ZSCAN30: variants seen among roughly 807,000 people sequenced by gnomAD.
ZSCAN30 encodes zinc finger and SCAN domain-containing protein 30.
A neutral mutation model predicts 44.3 loss-of-function variants in ZSCAN30; 37 were observed. That is an observed-to-expected ratio of 0.84 (90% CI 0.64 to 1.10). ZSCAN30 has a LOEUF of 1.10. ZSCAN30 is among the 50% of genes least tolerant of loss of function. The pLI is 0.00. For synonymous variants in ZSCAN30, 181 were observed against 204.6 expected (o/e 0.88, Z 0.98); for missense variants, 549 against 582.6 (o/e 0.94, Z 0.59).
intron 3 of ZSCAN30, chr18:35,261,968 G>A (rs1174308405): frequency 6.6e-6 from 1 of 152,190 alleles, no homozygotes; most frequent in Admixed American, 6.5e-5. Flanking sequence ...CCTGGGGAAG[G>A]TTGGGAAGCA....
chr18:35,281,243 A>C (rs2044450600), intron 1 of ZSCAN30: 1 of 152,202 alleles, frequency 6.6e-6, no homozygotes, highest in Non-Finnish European at 1.5e-5. Flanking sequence ...CTGTATTATC[A>C]CTGCTAATCT....
intron 1 of ZSCAN30, among the ~76,000 whole-genome samples, chr18:35,271,203 T>C (rs2044267294): frequency 6.6e-6 from 1 of 152,330 alleles, no homozygotes; most frequent in South Asian, 2.1e-4. Context: ...AGCCGGCTTT[T>C]ATTCCCTTAT....
intron 3 of ZSCAN30, chr18:35,260,021 AC>A: frequency 6.6e-6 from 1 of 151,538 alleles, no homozygotes; most frequent in South Asian, 2.1e-4. Context: ...TTTCTCTCCC[AC>A]CCCCACAGGC....
intron 1 of ZSCAN30, among the ~76,000 whole-genome samples, chr18:35,274,904 G>A (rs969159436): frequency 1.3e-5 from 2 of 152,176 alleles, no homozygotes; most frequent in African/African-American, 4.8e-5. Context: ...AGTATCTTTT[G>A]AAGAATAATA....
intron 1 of ZSCAN30, among the ~76,000 whole-genome samples, chr18:35,274,252 T>C (rs972582936): frequency 7.2e-5 from 11 of 152,052 alleles, no homozygotes; most frequent in Admixed American, 6.5e-4. Context: ...TTAGCCAGGA[T>C]GGTCTCGATC....
chr18:35,272,542 T>C (rs1379527441), intron 1 of ZSCAN30, among the ~76,000 whole-genome samples: 1 of 147,620 alleles, frequency 6.8e-6, no homozygotes, highest in African/African-American at 2.5e-5. Context: ...GGTTTCACCA[T>C]ATTGGTTGGC....
At chr18:35,276,981 G>A (rs2143757185) in intron 1 of ZSCAN30, among the ~76,000 whole-genome samples, 1 of 152,358 alleles carries the variant, frequency 6.6e-6, no homozygotes, top group East Asian at 1.9e-4. Context: ...AGCTGCCCAA[G>A]GCTATGCAAG....
rs1043928441 is a variant in ZSCAN30, at chr18:35,253,579, C to A, written c.1356G>T (p.Gln452His). The A allele has an allele frequency of 1.9e-6, 3 of 1,613,640 alleles. No individual in the cohort carries two copies. Among genetic ancestry groups the A allele is most frequent in the African/African-American group, 1.3e-5 (1 of 74,796 alleles). ...TCTGGTGCTGGGTGAGGGCTGAGCT[C>A]TGATTGAAGGATTTTCCACATTCAT... Reference protein sequence around the residue: ...ECNECGKSFNQSSALTQHQRI... With the variant: ...ECNECGKSFNHSSALTQHQRI... Residue 452 changes from glutamine (Q) to histidine (H), a missense_variant, in exon 4 of 4, where the codon CAG becomes CAT. Physicochemically the swap from Gln to His is conservative, Grantham distance 24 (BLOSUM62 0). Transcript: ENST00000333206.
At chr18:35,276,506 C>T (rs571620287) in intron 1 of ZSCAN30, among the ~76,000 whole-genome samples, 1 of 152,130 alleles carries the variant, frequency 6.6e-6, no homozygotes, top group African/African-American at 2.4e-5. Context: ...GGACTTGTTG[C>T]CCTGCATCCT....
rs1188308002 is a variant in ZSCAN30 at position 35,252,099 on chromosome 18, A to T, written c.*1351T>A. The T allele has an allele frequency of 6.6e-6, 1 of 152,178 alleles. No individual in the cohort carries two copies. The highest frequency in any genetic ancestry group is 1.5e-5 in the Non-Finnish European group (1 of 68,044). 9.4% of individuals were successfully genotyped at this position (152,178 alleles called of 1,614,324 possible). ...CATCAGGACTCTTCTCTCCAGCAGG[A>T]ATTAGTTGTCATAAAGCCTGGCTCA... On this transcript the variant is annotated 3_prime_UTR_variant, in exon 4 of 4. Coordinates refer to ENST00000333206, the MANE Select transcript of ZSCAN30 (RefSeq NM_001112734.4).
At position 35,254,104 on chromosome 18, in the gene ZSCAN30, C is replaced by A. The variant is rs372085265; in HGVS notation, c.831G>T (p.Glu277Asp). Residue 277 changes from glutamate (E) to aspartate (D), a missense_variant, in exon 4 of 4, where the codon GAG (glutamate) becomes GAT (aspartate). Transcript: ENST00000333206. Reference sequence around the variant, plus strand: ...AATTCATACTGAAACTTCCTTCACTCTCATGAGATTCAAGGACACTGTGTT... The same window carrying A: ...AATTCATACTGAAACTTCCTTCACTATCATGAGATTCAAGGACACTGTGTT... The part of the protein sequence containing the change: ...PTEHSVLESH[E>D]SEGSFSMNSN... 1 of 1,614,056 alleles carries A rather than the reference C, an allele frequency of 6.2e-7. No individual in the cohort carries two copies. The highest frequency in any genetic ancestry group is 1.7e-5 in the Admixed American group (1 of 59,998).
chr18:35,251,350 A>T lies in ZSCAN30; in HGVS notation c.*2100T>A, dbSNP rs549377718. The stretch of plus-strand genomic sequence containing the variant: ...CCTATTATATGATACTTAAAACATT[A>T]AATCTCTGATTGTCACCTATAGGAA... On this transcript the variant is annotated 3_prime_UTR_variant, in exon 4 of 4. Transcript: ENST00000333206. 17 of 152,226 alleles carry T rather than the reference A, an allele frequency of 1.1e-4. No individual in the cohort carries two copies. Among genetic ancestry groups the T allele is most frequent in the Non-Finnish European group, 2.4e-4 (16 of 68,040 alleles). 9.4% of individuals were successfully genotyped at this position (152,226 alleles called of 1,614,324 possible). A position where few individuals can be genotyped will look rare whatever the true frequency, so the allele number is the denominator to read the frequency against.
At chr18:35,265,795 G>GA (rs1449253091) in intron 1 of ZSCAN30, among the ~76,000 whole-genome samples, 1 of 152,162 alleles carries the variant, frequency 6.6e-6, no homozygotes, top group East Asian at 1.9e-4. Flanking sequence ...TTTATTATGG[G>GA]AAAGCAACAC....
At chr18:35,255,464 A>T (rs1218479305) in intron 3 of ZSCAN30, among the ~76,000 whole-genome samples, 1 of 152,080 alleles carries the variant, frequency 6.6e-6, no homozygotes, top group African/African-American at 2.4e-5. Flanking sequence ...CCATAGAAGT[A>T]ATAATTGCTA....
chr18:35,276,306 T>C (rs1167048035), intron 1 of ZSCAN30, among the ~76,000 whole-genome samples: 2 of 152,106 alleles, frequency 1.3e-5, no homozygotes, highest in Non-Finnish European at 2.9e-5. Flanking sequence ...TTTTTTTTTT[T>C]TAAATTACTA....
chr18:35,264,517 G>C, intron 1 of ZSCAN30, 62 bp from the exon 2 acceptor site: 1 of 746,426 alleles, frequency 1.3e-6, no homozygotes, highest in Middle Eastern at 3.9e-4. Context: ...ATAAATACAG[G>C]TTTTTGAAGC....
chr18:35,284,483 T>C (rs1179737697), intron 1 of ZSCAN30: 1 of 154,952 alleles, frequency 6.5e-6, no homozygotes, highest in African/African-American at 2.4e-5. Context: ...CCTTCTATGT[T>C]TGTCAGCACC....
chr18:35,264,066 A>T lies in ZSCAN30; in HGVS notation c.287T>A (p.Phe96Tyr), dbSNP rs1490473548. Reference protein sequence around the residue: ...QILELLMLEQFLAILPEELQA... With the variant: ...QILELLMLEQYLAILPEELQA... The stretch of plus-strand genomic sequence containing the variant: ...CAGCTCCTCAGGAAGGATGGCCAGG[A>T]ACTGCTCCAACATCAGCAGCTCCAG... The change falls in exon 2 of 4, where the codon TTC becomes TAC. Residue 96 changes from phenylalanine to tyrosine, a missense_variant. Coordinates refer to ENST00000333206, the MANE Select transcript of ZSCAN30 (RefSeq NM_001112734.4). The T allele has an allele frequency of 1.2e-6, 2 of 1,613,916 alleles. No individual in the cohort carries two copies. The highest frequency in any genetic ancestry group is 1.7e-6 in the Non-Finnish European group (2 of 1,179,944).
chr18:35,254,255 T>G lies in ZSCAN30; in HGVS notation c.680A>C (p.Glu227Ala), dbSNP rs147099908. 37 of 1,614,042 alleles carry G rather than the reference T, an allele frequency of 2.3e-5. No homozygotes were observed. In the African/African-American group the frequency reaches 3.2e-4, roughly 14 times the overall value. Residue 227 changes from glutamate to alanine, a missense_variant, in exon 4 of 4, where the codon GAA (glutamate) becomes GCA (alanine). By Grantham distance (107) the Glu-to-Ala change is moderately radical (BLOSUM62 -1). Coordinates refer to ENST00000333206, the MANE Select transcript of ZSCAN30 (RefSeq NM_001112734.4). Reference protein sequence around the residue: ...GETHSQRIAEEALGGLDNSKK... With the variant: ...GETHSQRIAEAALGGLDNSKK... ...AGAGTTGTCCAGACCTCCCAAAGCT[T>G]CTTCAGCTATCCGTTGGGAATGTGT...
Sources: allele counts gnomAD v4.1 joint callset (sites outside exome capture counted in the v4.1 genomes callset), GRCh38; gene constraint gnomAD v4.1.1; transcripts MANE v1.5; gene names NCBI Gene and HGNC (gene_info 2026-07-23, HGNC 2026-07-21).